SZT2: variants seen among roughly 807,000 people sequenced by gnomAD.
The protein encoded by SZT2 is KICSTOR complex protein SZT2.
A neutral mutation model predicts 404.2 loss-of-function variants in SZT2; 216 were observed. That is an observed-to-expected ratio of 0.53 (90% CI 0.48 to 0.60). The LOEUF (loss-of-function observed/expected upper bound fraction) is 0.60, where lower values mean the gene tolerates loss of function less well. Ranked by LOEUF, SZT2 falls within the 20% of genes least tolerant of loss-of-function variation. The probability of loss-of-function intolerance (pLI) is 0.00; values close to 1 mark genes in which losing one functional copy is unlikely to be tolerated. For synonymous variants in SZT2, 1,693 were observed against 1,749.9 expected (o/e 0.97, Z 0.81); for missense variants, 3,857 against 4,459.2 (o/e 0.86, Z 3.85).
rs1652614914 is a variant in SZT2, at chr1:43,423,090, T to C, written c.2038-9T>C. On this transcript the variant is annotated splice_polypyrimidine_tract_variant and intron_variant, in intron 14 of 71. Transcript: ENST00000634258. ...GGAGTAAGAGGATGTGACCACATTT[T>C]CCCCTCAGATTGTGTCAGGCTTGAG... The C allele has an allele frequency of 6.3e-7, 1 of 1,578,790 alleles. No homozygotes were observed. The highest frequency in any genetic ancestry group is 1.3e-5 in the African/African-American group (1 of 74,394).
chr1:43,432,562 G>C lies in SZT2; in HGVS notation c.5488G>C (p.Glu1830Gln). ...PQAPGSPEDS[E>Q]GVPLISLPRV... Reference sequence around the variant, plus strand: ...AGCACCTGGGTCCCCAGAGGATTCTGAGGGTGTCCCCCTCATCAGCCTGCC... The same window carrying C: ...AGCACCTGGGTCCCCAGAGGATTCTCAGGGTGTCCCCCTCATCAGCCTGCC... Residue 1830 changes from glutamate (E) to glutamine (Q), a missense_variant, in exon 38 of 72, where the codon GAG becomes CAG. This residue lies in a region of SZT2 where 1,725 missense variants were observed against 1,881.0 expected (regional missense o/e 0.92). Transcript: ENST00000634258. 1.2e-6 allele frequency: 2 copies of C among 1,613,754 alleles called. No individual in the cohort carries two copies. Among genetic ancestry groups the C allele is most frequent in the Non-Finnish European group, 1.7e-6 (2 of 1,179,814 alleles).
chr1:43,432,692 T>TGA, intron 38 of SZT2, 36 bp from the exon 39 acceptor site: 1 of 1,613,468 alleles, frequency 6.2e-7, no homozygotes, highest in Non-Finnish European at 8.5e-7. Context: ...TAGACAGGAT[T>TGA]GAGAGAGGCT....
chr1:43,399,896 A>G (rs1288002983), intron 1 of SZT2, among the ~76,000 whole-genome samples: 1 of 152,150 alleles, frequency 6.6e-6, no homozygotes, highest in African/African-American at 2.4e-5. Flanking sequence ...AAAGCAGTGT[A>G]ACAGAGAGTA....
At chr1:43,397,358 G>A (rs192032098) in intron 1 of SZT2, among the ~76,000 whole-genome samples, 4 of 151,524 alleles carry the variant, frequency 2.6e-5, no homozygotes, top group Admixed American at 2.0e-4. Flanking sequence ...ACCAAGAGGC[G>A]GAGGTTGCAG....
At chr1:43,435,076 T>C (rs904320963) in intron 41 of SZT2, 124 bp from the exon 42 acceptor site, 3 of 1,163,318 alleles carry the variant, frequency 2.6e-6, no homozygotes, top group Non-Finnish European at 3.7e-6. Context: ...ATGACTGATA[T>C]TCTTGTTGAC....
chr1:43,434,265 C>A, intron 40 of SZT2, 121 bp from the exon 41 acceptor site: 2 of 827,528 alleles, frequency 2.4e-6, no homozygotes, highest in Non-Finnish European at 1.9e-6. Context: ...CTTGGCCCCA[C>A]CTCCATGACT....
At chr1:43,446,479 A>C in intron 65 of SZT2, 63 bp downstream of exon 65, 1 of 1,598,794 alleles carries the variant, frequency 6.3e-7, no homozygotes, top group Non-Finnish European at 8.6e-7. Context: ...GCATGGCTCC[A>C]TGTCCCATTT....
At chr1:43,438,856 C>T (rs759074318) in intron 47 of SZT2, 39 bp downstream of exon 47, 2 of 1,611,438 alleles carry the variant, frequency 1.2e-6, no homozygotes, top group Admixed American at 1.7e-5. Flanking sequence ...TTCCCAGACT[C>T]AGCCACAGGT....
intron 7 of SZT2, among the ~76,000 whole-genome samples, chr1:43,417,245 TGA>T (rs1365547105): frequency 2.0e-5 from 3 of 152,012 alleles, no homozygotes; most frequent in Admixed American, 6.6e-5. Context: ...CTAATTGCAG[TGA>T]GAGAGGATCA....
chr1:43,447,650 CA>C lies in SZT2; in HGVS notation c.9393del (p.Gly3133AlafsTer108). On this transcript the variant is annotated frameshift_variant, in exon 67 of 72. Coordinates refer to ENST00000634258, the MANE Select transcript of SZT2 (RefSeq NM_001365999.1). LOFTEE classifies it high-confidence loss of function. Reference protein sequence around the residue: ...YHMKPLRMARPGGPEHNEYAL... With the variant: ...YHMKPLRMARXGGPEHNEYAL... ...ATGAAGCCATTGCGAATGGCCCGGC[CA>C]GGGGGCCCAGAACACAACGAGTATG... 1.9e-6 allele frequency: 3 copies of C among 1,614,214 alleles called. No homozygotes were observed. Among genetic ancestry groups the C allele is most frequent in the Non-Finnish European group, 2.5e-6 (3 of 1,180,050 alleles).
At position 43,422,993 on chromosome 1, in the gene SZT2, A is replaced by G. The variant is rs566968435; in HGVS notation, c.2038-106A>G. On this transcript the variant is annotated intron_variant, in intron 14 of 71. Coordinates refer to ENST00000634258, the MANE Select transcript of SZT2 (RefSeq NM_001365999.1). ...TAATAGAGGGAGGAGCCCCCAGACC[A>G]AGGAAGACCTGGAGAAGAGGGCTGT... The G allele has an allele frequency of 3.3e-6, 5 of 1,496,346 alleles. No individual in the cohort carries two copies. The African/African-American group carries it at 6.9e-5, about 21-fold the overall frequency. 92.7% of individuals were successfully genotyped at this position (1,496,346 alleles called of 1,614,324 possible).
rs746041145 is a variant in SZT2 at position 43,435,153 on chromosome 1, T to G, written c.5905-47T>G. The G allele has an allele frequency of 2.5e-6, 4 of 1,603,936 alleles. 1 individual carries two copies. The South Asian group carries it at 4.5e-5, about 18-fold the overall frequency. ...ATCACCCCTGACCACCACCACCCAC[T>G]TAGGAGGAGGTATTTCAGTTCCCTG... On this transcript the variant is annotated intron_variant, in intron 41 of 71. Coordinates refer to ENST00000634258, the MANE Select transcript of SZT2 (RefSeq NM_001365999.1).
chr1:43,422,330 C>T (rs1652464504), intron 12 of SZT2, 105 bp downstream of exon 12: 1 of 1,492,668 alleles, frequency 6.7e-7, no homozygotes. Context: ...CCAACTGTGG[C>T]CAAGGAAAAA....
rs200675254 is a variant in SZT2, at chr1:43,439,643, G to C, written c.6916G>C (p.Gly2306Arg). 7.4e-6 allele frequency: 12 copies of C among 1,613,786 alleles called. No individual in the cohort carries two copies. The highest frequency in any genetic ancestry group is 8.5e-6 in the Non-Finnish European group (10 of 1,179,852). ...CACTCTAGCCTTTGTGGATGAAGGAGGGGCCCCCTTGTCACTGGCGTTGTG... is the reference window on the plus strand; with the variant it reads ...CACTCTAGCCTTTGTGGATGAAGGACGGGCCCCCTTGTCACTGGCGTTGTG... ...CITLAFVDEG[G>R]APLSLALWPP... is the part of the protein sequence containing the mutation. Residue 2306 changes from glycine (G) to arginine (R), a missense_variant, in exon 50 of 72, where the codon GGG (glycine) becomes CGG (arginine). Physicochemically the swap from Gly to Arg is moderately radical, Grantham distance 125. Transcript: ENST00000634258. The surrounding 1 kb of genome is among the most constrained non-coding windows in gnomAD (Gnocchi z 4.2).
chr1:43,430,925 C>A (rs1161072233), intron 32 of SZT2, 24 bp from the exon 33 acceptor site: 1 of 1,604,998 alleles, frequency 6.2e-7, no homozygotes, highest in East Asian at 2.2e-5. Context: ...CCCTCAGCAA[C>A]TGCTAACTTT....
At position 43,389,902 on chromosome 1, in the gene SZT2, G is replaced by A. The variant is rs1648049154; in HGVS notation, c.-67G>A. On this transcript the variant is annotated 5_prime_UTR_variant, in exon 1 of 72. Transcript: ENST00000634258. ...CTTCCGGTTCCTGCTGGGTGCCGAG[G>A]TAGCGAGGTCAGGGGTCAAGAGTGG... The A allele has an allele frequency of 1.9e-6, 3 of 1,569,806 alleles. No homozygotes were observed. Among genetic ancestry groups the A allele is most frequent in the South Asian group, 1.2e-5 (1 of 85,776 alleles).
chr1:43,430,098 C>A lies in SZT2; in HGVS notation c.4396C>A (p.Arg1466=), dbSNP rs766090540. 4 of 1,614,088 alleles carry A rather than the reference C, an allele frequency of 2.5e-6. No individual in the cohort carries two copies. Among genetic ancestry groups the A allele is most frequent in the Non-Finnish European group, 3.4e-6 (4 of 1,180,004 alleles). ...CTTCTATTGCCCTCCATCCAGCAGGCGAGAAGTGAGTGGCTCTCTTCCTTA... is the reference window on the plus strand; with the variant it reads ...CTTCTATTGCCCTCCATCCAGCAGGAGAGAAGTGAGTGGCTCTCTTCCTTA... ...YFFYCPPSSR[R]EDEGPRDTVD... is the part of the protein sequence containing the mutation. The change falls in exon 30 of 72, where the codon CGA becomes AGA. Residue 1466 remains arginine (R), a synonymous_variant. Coordinates refer to ENST00000634258, the MANE Select transcript of SZT2 (RefSeq NM_001365999.1).
At chr1:43,423,784 G>C (rs1222606498) in intron 15 of SZT2, among the ~76,000 whole-genome samples, 3 of 150,082 alleles carry the variant, frequency 2.0e-5, no homozygotes, top group Admixed American at 6.6e-5. Flanking sequence ...AGGTGTGGAA[G>C]GGTGTGACTT....
chr1:43,442,887 G>C lies in SZT2; in HGVS notation c.8220G>C (p.Leu2740=), dbSNP rs775160414. The C allele has an allele frequency of 4.3e-6, 7 of 1,613,916 alleles. No homozygotes were observed. The highest frequency in any genetic ancestry group is 5.9e-6 in the Non-Finnish European group (7 of 1,179,954). ...ETLIRSASPP[L]SREQGRLSGS... ...TCATCCGGAGTGCAAGTCCCCCGCT[G>C]AGCCGTGAGCAGGGCCGACTGAGTG... Residue 2740 remains leucine, a synonymous_variant, in exon 59 of 72, where the codon CTG becomes CTC. Transcript: ENST00000634258. The surrounding 1 kb of genome is among the most constrained non-coding windows in gnomAD (Gnocchi z 4.5).
Sources: allele counts gnomAD v4.1 joint callset (sites outside exome capture counted in the v4.1 genomes callset), GRCh38; gene constraint gnomAD v4.1.1; regional missense constraint gnomAD v4.1.1; non-coding constraint Gnocchi (gnomAD v3.1); transcripts MANE v1.5; gene names NCBI Gene and HGNC (gene_info 2026-07-23, HGNC 2026-07-21).